TSC2: variants seen among roughly 807,000 people sequenced by gnomAD.
TSC2 encodes TSC complex subunit 2.
TSC2 carries 29 observed loss-of-function variants against 202.2 expected under a neutral mutation model. The ratio of observed to expected loss-of-function variants is 0.14; its 90% CI spans 0.11 to 0.20. The LOEUF (loss-of-function observed/expected upper bound fraction) is 0.20. TSC2 is among the 10% of genes least tolerant of loss of function. TSC2 has a pLI of 1.00. For missense variants in TSC2, 2,429 were observed against 2,420.0 expected (o/e 1.00, Z -0.08); for synonymous variants, 1,349 against 1,044.0 (o/e 1.29, Z -5.63).
chr16:2,064,244 C>T, intron 14 of TSC2, 28 bp from the exon 15 acceptor site: 1 of 1,613,830 alleles, frequency 6.2e-7, no homozygotes, highest in Non-Finnish European at 8.5e-7. Flanking sequence ...TGGGCTGGCG[C>T]TCATTGGCCT....
Position 2,088,853 on chromosome 16 carries a change from CATACAGCACACTCGCGCGT to C in TSC2, c.*244_*262del. The C allele has an allele frequency of 1.7e-6, 1 of 575,248 alleles. No individual in the cohort carries two copies. The highest frequency in any genetic ancestry group is 3.1e-6 in the Non-Finnish European group (1 of 323,924). The allele number at this position is 575,248 out of a possible 1,614,324, so 35.6% of individuals were successfully genotyped here. A position where few individuals can be genotyped will look rare whatever the true frequency, so the allele number is the denominator to read the frequency against. On this transcript the variant is annotated 3_prime_UTR_variant, in exon 42 of 42. Coordinates refer to ENST00000219476, the MANE Select transcript of TSC2 (RefSeq NM_000548.5). ...CCGAGGGCCTTGAGGCTGCCTGGGC[CATACAGCACACTCGCGCGT>C]GCGCGCGCGCACACACACACACACA...
In TSC2 at chr16:2,086,186, C is replaced by T. The variant is rs778646938; in HGVS notation, c.4663-7C>T. 43 of 1,612,372 alleles carry T rather than the reference C, an allele frequency of 2.7e-5. 1 individual carries two copies. In the South Asian group the frequency reaches 4.2e-4, roughly 16 times the overall value. On this transcript the variant is annotated splice_polypyrimidine_tract_variant and splice_region_variant and intron_variant, in intron 36 of 41. Transcript: ENST00000219476. ...GATGCCACCCTGCCTCTCCCCTCTCCCCACAGAGCAACAGCGAGCTCGCCA... is the reference window on the plus strand; with the variant it reads ...GATGCCACCCTGCCTCTCCCCTCTCTCCACAGAGCAACAGCGAGCTCGCCA...
At chr16:2,063,439 C>G (rs1596308854) in intron 14 of TSC2, 1 of 358,956 alleles carries the variant, frequency 2.8e-6, no homozygotes, top group East Asian at 6.9e-5. Context: ...GCCAGCCCTG[C>G]CTGGTCTCTC....
chr16:2,077,750 G>C (rs776978743), intron 26 of TSC2, 24 bp downstream of exon 26: 1 of 1,610,332 alleles, frequency 6.2e-7, no homozygotes, highest in South Asian at 1.1e-5. Context: ...CGGGTGGGGG[G>C]CACGGACCCT....
At position 2,057,343 on chromosome 16, in the gene TSC2, C is replaced by T. The variant is rs528776408; in HGVS notation, c.848+165C>T. On this transcript the variant is annotated intron_variant, in intron 9 of 41. Transcript: ENST00000219476. Reference sequence around the variant, plus strand: ...GAGGCCCATGACTTCTAGGATCCAGCCCCTGTCCTCTCCTTCCTCTGTCAG... The same window carrying T: ...GAGGCCCATGACTTCTAGGATCCAGTCCCTGTCCTCTCCTTCCTCTGTCAG... Among the ~76,000 whole-genome samples, 3 of 152,312 alleles carry T rather than the reference C, an allele frequency of 2.0e-5. No individual in the cohort carries two copies. In the South Asian group the frequency reaches 6.2e-4, roughly 32 times the overall value.
intron 32 of TSC2, chr16:2,083,421 C>T: frequency 6.8e-6 from 4 of 585,990 alleles, no homozygotes; most frequent in Admixed American, 2.5e-5. Context: ...CCTGGAGGCA[C>T]AGGGGTGGCT....
In TSC2 at chr16:2,058,844, C is replaced by G. The variant is rs1436113596; in HGVS notation, c.946C>G (p.Pro316Ala). Residue 316 changes from proline to alanine, a missense_variant, in exon 10 of 42, where the codon CCG becomes GCG. Coordinates refer to ENST00000219476, the MANE Select transcript of TSC2 (RefSeq NM_000548.5). The stretch of plus-strand genomic sequence containing the variant: ...CCGGCTCTATTCTCTCAGGAACTCG[C>G]CGACATCTGTGTTGCCATCATTTTA... ...AHRLYSLRNS[P>A]TSVLPSFYQA... The G allele has an allele frequency of 6.2e-7, 1 of 1,607,440 alleles. No homozygotes were observed. The highest frequency in any genetic ancestry group is 1.7e-5 in the Admixed American group (1 of 59,130).
In TSC2 at chr16:2,071,535, G is replaced by A. The variant is rs45517206; in HGVS notation, c.1865G>A (p.Arg622Gln). 3.5e-5 allele frequency: 57 copies of A among 1,613,576 alleles called. No homozygotes were observed. The highest frequency in any genetic ancestry group is 1.2e-4 in the South Asian group (11 of 91,078). ...GCCTTTGACTTCCTGTTGCTGCTGCGGGCCGACTCACTGCACCGCCTGGGC... is the reference window on the plus strand; with the variant it reads ...GCCTTTGACTTCCTGTTGCTGCTGCAGGCCGACTCACTGCACCGCCTGGGC... ...LQAFDFLLLL[R>Q]ADSLHRLGLP... is the part of the protein sequence containing the mutation. Residue 622 changes from arginine (R) to glutamine (Q), a missense_variant, in exon 18 of 42, where the codon CGG becomes CAG. Coordinates refer to ENST00000219476, the MANE Select transcript of TSC2 (RefSeq NM_000548.5).
At chr16:2,063,505 C>T (rs1404983065) in intron 14 of TSC2, 1 of 283,976 alleles carries the variant, frequency 3.5e-6, no homozygotes, top group Non-Finnish European at 6.9e-6. Flanking sequence ...GCCCCAGGCC[C>T]ACCTTCCTTG....
Position 2,088,680 on chromosome 16 carries a change from C to T in TSC2, c.*70C>T, listed in dbSNP as rs2091236647. ...GTCAGTGAAATAAATAAAGTCCTGA[C>T]CCCAGTGCACAGACATAGAGGCACA... On this transcript the variant is annotated 3_prime_UTR_variant, in exon 42 of 42. Coordinates refer to ENST00000219476, the MANE Select transcript of TSC2 (RefSeq NM_000548.5). 3.9e-6 allele frequency: 6 copies of T among 1,525,954 alleles called. No individual in the cohort carries two copies. The highest frequency in any genetic ancestry group is 1.9e-5 in the Admixed American group (1 of 51,338). 94.5% of individuals were successfully genotyped at this position (1,525,954 alleles called of 1,614,324 possible).
chr16:2,066,020 A>G (rs773878384), intron 16 of TSC2, among the ~76,000 whole-genome samples: 1 of 152,126 alleles, frequency 6.6e-6, no homozygotes, highest in African/African-American at 2.4e-5. Flanking sequence ...ATATCATGCA[A>G]TTTACCCATT....
chr16:2,080,711 C>G (rs575996096), intron 30 of TSC2: 2 of 313,480 alleles, frequency 6.4e-6, no homozygotes, highest in South Asian at 3.3e-5. Flanking sequence ...GTCTCAATCT[C>G]CTGACCTCGT....
intron 21 of TSC2, among the ~76,000 whole-genome samples, chr16:2,073,745 G>A (rs1773149112): frequency 6.6e-6 from 1 of 152,376 alleles, no homozygotes; most frequent in East Asian, 1.9e-4. Context: ...GTGTATCCGA[G>A]GGGTGAGGCC....
intron 31 of TSC2, 127 bp downstream of exon 31, chr16:2,081,925 G>A (rs150095058): frequency 1.2e-4 from 160 of 1,299,206 alleles, no homozygotes; most frequent in Non-Finnish European, 1.6e-4. Context: ...GCCTGCCTCA[G>A]CACCATTGTT....
intron 32 of TSC2, 78 bp downstream of exon 32, chr16:2,082,582 GC>G: frequency 6.6e-7 from 1 of 1,513,264 alleles, no homozygotes; most frequent in Non-Finnish European, 9.1e-7. Context: ...CGCCTCATCC[GC>G]CCACCCCCAT....
At position 2,086,805 on chromosome 16, in the gene TSC2, G is replaced by A. The variant is rs1555438590; in HGVS notation, c.4923G>A (p.Leu1641=). Residue 1641 remains leucine, a synonymous_variant, in exon 38 of 42, where the codon CTG becomes CTA. Transcript: ENST00000219476. ...DKHRCDKKRH[L]GNDFVSIVYN... ...ACCGCTGCGACAAGAAGCGCCACCT[G>A]GGCAACGACTTTGTGTCCATTGTCT... The A allele has an allele frequency of 6.2e-7, 1 of 1,611,050 alleles. No individual in the cohort carries two copies. The highest frequency in any genetic ancestry group is 8.5e-7 in the Non-Finnish European group (1 of 1,179,528).
chr16:2,052,631 C>T (rs1335793589), intron 3 of TSC2, among the ~76,000 whole-genome samples: 1 of 152,206 alleles, frequency 6.6e-6, no homozygotes, highest in Non-Finnish European at 1.5e-5. Context: ...ATTTTAGTTC[C>T]CCTCCTTAGA....
Position 2,071,813 on chromosome 16 carries a change from C to G in TSC2, c.1976C>G (p.Thr659Ser), listed in dbSNP as rs755847664. Residue 659 changes from threonine (T) to serine (S), a missense_variant, in exon 19 of 42, where the codon ACC (threonine) becomes AGC (serine). Coordinates refer to ENST00000219476, the MANE Select transcript of TSC2 (RefSeq NM_000548.5). ...CCAGAGAGAGGCTCTGAGAAGAAGA[C>G]CAGCGGCCCCCTTTCTCCTCCCACA... ...MEPERGSEKK[T>S]SGPLSPPTGP... The G allele has an allele frequency of 1.2e-6, 2 of 1,602,762 alleles. No homozygotes were observed. Among genetic ancestry groups the G allele is most frequent in the Non-Finnish European group, 1.7e-6 (2 of 1,175,426 alleles).
At chr16:2,065,178 C>T (rs1261958900) in intron 15 of TSC2, 2 of 265,986 alleles carry the variant, frequency 7.5e-6, no homozygotes, top group Non-Finnish European at 1.5e-5. Flanking sequence ...CTTTGGGAGG[C>T]CAAGGCAGGC....
Sources: gnomAD v4.1 joint callset for allele counts (sites outside exome capture counted in the v4.1 genomes callset) on GRCh38, gnomAD v4.1.1 for gene constraint, MANE v1.5 for transcripts, NCBI Gene and HGNC (gene_info 2026-07-23, HGNC 2026-07-21) for gene names.